SCNN1A: variants seen among roughly 807,000 people sequenced by gnomAD.
SCNN1A encodes sodium channel epithelial 1 subunit alpha, also known as epithelial sodium channel subunit alpha.
In SCNN1A, 65 loss-of-function variants were observed where a neutral mutation model predicts 68.6. The observed-to-expected ratio is 0.95, with a 90% CI of 0.78 to 1.16. SCNN1A has a LOEUF of 1.16. Among genes scored for constraint, SCNN1A ranks in the 50% most tolerant of loss-of-function variants. The pLI is 0.00. For missense variants in SCNN1A, 880 were observed against 865.9 expected (o/e 1.02, Z -0.20); for synonymous variants, 357 against 353.3 (o/e 1.01, Z -0.12).
In SCNN1A at chr12:6,374,819, G is replaced by A; in HGVS notation, c.-36C>T. 3 of 1,614,070 alleles carry A rather than the reference G, an allele frequency of 1.9e-6. No homozygotes were observed. Among genetic ancestry groups the A allele is most frequent in the Non-Finnish European group, 2.5e-6 (3 of 1,180,002 alleles). On this transcript the variant is annotated 5_prime_UTR_variant, in exon 2 of 13. Transcript: ENST00000228916. The surrounding 1 kb of genome is among the most constrained non-coding windows in gnomAD (Gnocchi z 6.2). The stretch of plus-strand genomic sequence containing the variant: ...ATGGGCTGCAGAGGTCTAGGGTCCT[G>A]CTCCTCCAGCTTGTTCCCCTTCATG...
intron 2 of SCNN1A, among the ~76,000 whole-genome samples, chr12:6,366,332 A>G (rs1192843915): frequency 6.6e-6 from 1 of 152,220 alleles, no homozygotes; most frequent in East Asian, 1.9e-4. Context: ...CACAACATAC[A>G]CACACAAATG....
At chr12:6,354,378 A>T (rs1948455533) in intron 8 of SCNN1A, 60 bp downstream of exon 8, 3 of 1,101,594 alleles carry the variant, frequency 2.7e-6, no homozygotes, top group Non-Finnish European at 4.2e-6. Context: ...CTGAGAGGAA[A>T]AAGTGCCTCA....
At position 6,372,609 on chromosome 12, in the gene SCNN1A, C is replaced by T. The variant is rs756778832; in HGVS notation, c.416+1759G>A. On this transcript the variant is annotated intron_variant, in intron 2 of 12. Coordinates refer to ENST00000228916, the MANE Select transcript of SCNN1A (RefSeq NM_001038.6). This position sits in a 1 kb window ranked among gnomAD's most constrained non-coding sequence, Gnocchi z 5.8. ...CTGTGCAGGCCTCACCCGATTCACC[C>T]CTGCCCTCCCTTTCCATCTCTCACT... Among the ~76,000 whole-genome samples, 1 of 152,216 alleles carries T rather than the reference C, an allele frequency of 6.6e-6. No individual in the cohort carries two copies. Among genetic ancestry groups the T allele is most frequent in the Non-Finnish European group, 1.5e-5 (1 of 68,040 alleles).
intron 4 of SCNN1A, among the ~76,000 whole-genome samples, chr12:6,359,664 C>T (rs575258993): frequency 1.3e-5 from 2 of 152,166 alleles, no homozygotes; most frequent in South Asian, 2.1e-4. Context: ...TGAGGCCTCC[C>T]CAGAAGCTGA....
At chr12:6,353,802 G>T (rs774785791) in intron 8 of SCNN1A, 1 of 139,522 alleles carries the variant, frequency 7.2e-6, no homozygotes, top group Non-Finnish European at 1.5e-5. Context: ...TGTTAGCCAG[G>T]ATGGTCTCCA....
At position 6,375,548 on chromosome 12, in the gene SCNN1A, G is replaced by C. The variant is rs1161038813; in HGVS notation, c.-98C>G. The C allele has an allele frequency of 2.0e-6, 3 of 1,534,968 alleles. No individual in the cohort carries two copies. Among genetic ancestry groups the C allele is most frequent in the African/African-American group, 2.7e-5 (2 of 72,960 alleles). On this transcript the variant is annotated 5_prime_UTR_variant, in exon 1 of 13. Coordinates refer to ENST00000228916, the MANE Select transcript of SCNN1A (RefSeq NM_001038.6). ...TGGCTGGGGAGCCCGCCCGCTGGCC[G>C]GCCAGGGATGGAAGCGACAGGAATC...
At chr12:6,365,836 C>T (rs538616995) in intron 2 of SCNN1A, among the ~76,000 whole-genome samples, 11 of 152,228 alleles carry the variant, frequency 7.2e-5, no homozygotes, top group Middle Eastern at 3.4e-3. Flanking sequence ...CTAGAACAAC[C>T]GTATGTAGTA....
chr12:6,353,211 T>C (rs189489863), intron 8 of SCNN1A, among the ~76,000 whole-genome samples: 9 of 151,816 alleles, frequency 5.9e-5, no homozygotes, highest in African/African-American at 2.2e-4. Flanking sequence ...CAAACTTTAC[T>C]GATTGTGCCC....
chr12:6,363,156 TAATAA>T (rs1176111294), intron 3 of SCNN1A, among the ~76,000 whole-genome samples: 1 of 150,820 alleles, frequency 6.6e-6, no homozygotes, highest in Non-Finnish European at 1.5e-5. Context: ...ATAATAATAA[TAATAA>T]AAGTTCATTT....
rs1565485357 is a variant in SCNN1A, at chr12:6,369,319, A to ACCTCCCTCCTGCCACCCTACGCG, written c.416+5048_416+5049insCGCGTAGGGTGGCAGGAGGGAGG. Among the ~76,000 whole-genome samples the ACCTCCCTCCTGCCACCCTACGCG allele has an allele frequency of 9.7e-4, 136 of 139,990 alleles. 1 individual carries two copies. Among genetic ancestry groups the ACCTCCCTCCTGCCACCCTACGCG allele is most frequent in the African/African-American group, 3.3e-3 (118 of 35,572 alleles). 91.8% of individuals were successfully genotyped at this position (139,990 alleles called of 152,430 possible). ...TCACCTCCCTCCTGCCACCCTACGC[A>ACCTCCCTCCTGCCACCCTACGCG]CCTCCCTCCTGCCACCCTACGCACC... On this transcript the variant is annotated intron_variant, in intron 2 of 12. Transcript: ENST00000228916.
At position 6,348,819 on chromosome 12, in the gene SCNN1A, A is replaced by G. The variant is rs369986992; in HGVS notation, c.1554-17T>C. The G allele has an allele frequency of 3.1e-5, 50 of 1,612,602 alleles. No individual in the cohort carries two copies. The African/African-American group carries it at 6.4e-4, about 21-fold the overall frequency. ...ACTCCATTTCTTAGGTGTGGGGCAG[A>G]GGGTGGGAAGAAATGGTAGAGGATG... On this transcript the variant is annotated splice_polypyrimidine_tract_variant and intron_variant, in intron 11 of 12. Coordinates refer to ENST00000228916, the MANE Select transcript of SCNN1A (RefSeq NM_001038.6).
At chr12:6,355,595 C>T (rs1280161909) in intron 5 of SCNN1A, among the ~76,000 whole-genome samples, 160 bp from the exon 6 acceptor site, 6 of 152,228 alleles carry the variant, frequency 3.9e-5, no homozygotes, top group African/African-American at 1.4e-4. Flanking sequence ...GAGCTGGAAT[C>T]TGGAGGCAGG....
intron 2 of SCNN1A, among the ~76,000 whole-genome samples, chr12:6,365,705 A>T (rs1948663884): frequency 6.6e-6 from 1 of 152,260 alleles, no homozygotes; most frequent in African/African-American, 2.4e-5. Context: ...AATTAATTCA[A>T]GATGGATCAT....
chr12:6,363,426 G>C lies in SCNN1A; in HGVS notation c.684+17C>G, dbSNP rs1177346457. 1.1e-5 allele frequency: 17 copies of C among 1,522,096 alleles called. No homozygotes were observed. The highest frequency in any genetic ancestry group is 1.4e-5 in the African/African-American group (1 of 71,110). The allele number at this position is 1,522,096 out of a possible 1,614,324, so 94.3% of individuals were successfully genotyped here. A position where few individuals can be genotyped will look rare whatever the true frequency, so the allele number is the denominator to read the frequency against. On this transcript the variant is annotated intron_variant, in intron 3 of 12. Transcript: ENST00000228916. ...CGGCGAGGGGCGGGGCGGGCCCCTC[G>C]GCGCTGCGGGCCTCACCAGCTGGAA...
At chr12:6,365,955 C>T (rs1223580184) in intron 2 of SCNN1A, among the ~76,000 whole-genome samples, 3 of 151,770 alleles carry the variant, frequency 2.0e-5, no homozygotes, top group Non-Finnish European at 4.4e-5. Context: ...TCCGGGTTCA[C>T]GCCATTCTCC....
Position 6,369,319 on chromosome 12 carries a change from A to G in SCNN1A, c.416+5049T>C, listed in dbSNP as rs867936053. On this transcript the variant is annotated intron_variant, in intron 2 of 12. Coordinates refer to ENST00000228916, the MANE Select transcript of SCNN1A (RefSeq NM_001038.6). ...TCACCTCCCTCCTGCCACCCTACGC[A>G]CCTCCCTCCTGCCACCCTACGCACC... Among the ~76,000 whole-genome samples, 501 of 140,004 alleles carry G rather than the reference A, an allele frequency of 3.6e-3. 3 individuals carry two copies. The highest frequency in any genetic ancestry group is 0.013 in the African/African-American group (462 of 35,584). The allele number at this position is 140,004 out of a possible 152,430, so 91.8% of individuals were successfully genotyped here.
At position 6,354,174 on chromosome 12, in the gene SCNN1A, TGAGCCGAGATC is replaced by T. The variant is rs372664302; in HGVS notation, c.1360+253_1360+263del. 2.1e-4 allele frequency among the ~76,000 whole-genome samples: 32 copies of T among 151,716 alleles called. No homozygotes were observed. In the East Asian group the frequency reaches 5.1e-3, roughly 24 times the overall value. ...GGAACCCGGGAGGTGGAGCTTGCAG[TGAGCCGAGATC>T]GCGCCACTGCTCTCCAGCCTGGGTG... On this transcript the variant is annotated intron_variant, in intron 8 of 12. Coordinates refer to ENST00000228916, the MANE Select transcript of SCNN1A (RefSeq NM_001038.6).
chr12:6,362,486 G>C (rs554433089), intron 3 of SCNN1A, among the ~76,000 whole-genome samples: 1 of 152,180 alleles, frequency 6.6e-6, no homozygotes, highest in African/African-American at 2.4e-5. Context: ...ACACGGTTTT[G>C]GTTCATTTAT....
chr12:6,367,849 G>A (rs949885575), intron 2 of SCNN1A, among the ~76,000 whole-genome samples: 6 of 152,186 alleles, frequency 3.9e-5, no homozygotes, highest in African/African-American at 1.4e-4. Context: ...GTCCTAACGT[G>A]CAGCTACATT....
Sources: gnomAD v4.1 joint callset for allele counts (sites outside exome capture counted in the v4.1 genomes callset) on GRCh38, gnomAD v4.1.1 for gene constraint, Gnocchi (gnomAD v3.1) non-coding constraint, MANE v1.5 for transcripts, NCBI Gene and HGNC (gene_info 2026-07-23, HGNC 2026-07-21) for gene names.